OPCML: variants seen among roughly 807,000 people sequenced by gnomAD.
OPCML encodes opioid-binding protein/cell adhesion molecule.
A neutral mutation model predicts 37.8 loss-of-function variants in OPCML; 13 were observed. That is an observed-to-expected ratio of 0.34 (90% CI 0.22 to 0.55). The LOEUF is 0.55. OPCML is among the 20% of genes least tolerant of loss of function. OPCML has a pLI of 0.91. For synonymous variants in OPCML, 176 were observed against 168.8 expected (o/e 1.04, Z -0.33); for missense variants, 341 against 435.6 (o/e 0.78, Z 1.93).
chr11:132,756,042 C>T (rs1946031641), intron 2 of OPCML, among the ~76,000 whole-genome samples: 1 of 152,210 alleles, frequency 6.6e-6, no homozygotes, highest in Admixed American at 6.5e-5. Context: ...GTAAGAAACC[C>T]TGCTAGGGGC....
chr11:133,080,088 G>T (rs1298708137), intron 1 of OPCML, among the ~76,000 whole-genome samples: 1 of 152,102 alleles, frequency 6.6e-6, no homozygotes, highest in African/African-American at 2.4e-5. Flanking sequence ...CTATGAATAG[G>T]GTCCCCACTC....
At chr11:132,469,047 G>A (rs2096127719) in intron 4 of OPCML, among the ~76,000 whole-genome samples, 1 of 152,122 alleles carries the variant, frequency 6.6e-6, no homozygotes, top group Non-Finnish European at 1.5e-5. Context: ...AATATTCTTG[G>A]ACAACTGCTT....
chr11:133,479,863 C>T (rs1947336323), intron 1 of OPCML, among the ~76,000 whole-genome samples: 1 of 152,250 alleles, frequency 6.6e-6, no homozygotes, highest in Admixed American at 6.5e-5. Context: ...GCCTCTCCAC[C>T]CACGATGCTA....
At chr11:133,267,968 T>C (rs1941711397) in intron 1 of OPCML, among the ~76,000 whole-genome samples, 1 of 152,208 alleles carries the variant, frequency 6.6e-6, no homozygotes, top group African/African-American at 2.4e-5. Flanking sequence ...GGTATGTCTT[T>C]ATCAGCAGCA....
At chr11:133,321,291 G>A (rs1405630674) in intron 1 of OPCML, among the ~76,000 whole-genome samples, 6 of 152,190 alleles carry the variant, frequency 3.9e-5, no homozygotes, top group Admixed American at 3.9e-4. Context: ...GCCATCAGAA[G>A]CTCCGTAAGT....
intron 2 of OPCML, among the ~76,000 whole-genome samples, chr11:132,766,597 T>C (rs1002100900): frequency 3.9e-5 from 6 of 152,146 alleles, no homozygotes; most frequent in Non-Finnish European, 8.8e-5. Context: ...CCATCATCAA[T>C]TGTCCACCCT....
Position 133,232,269 on chromosome 11 carries a change from A to G in OPCML, c.62-289259T>C, listed in dbSNP as rs552257279. On this transcript the variant is annotated intron_variant, in intron 1 of 7. Transcript: ENST00000524381. ...GAAAAAAGATAAAAACTACTCTTTG[A>G]TGAGAAACCATACGGTGTGGTAGAG... is the stretch of plus-strand genomic sequence containing the variant. 2.0e-5 allele frequency among the ~76,000 whole-genome samples: 3 copies of G among 152,326 alleles called. No individual in the cohort carries two copies. The South Asian group carries it at 6.2e-4, about 32-fold the overall frequency.
chr11:133,361,588 TTCCGGGGCACCTGCAGCTAC>T (rs1944421670), intron 1 of OPCML: 6 of 156,024 alleles, frequency 3.8e-5, no homozygotes, highest in South Asian at 1.3e-4. Flanking sequence ...CCTGCAGCTA[TTCCGGGGCACCTGCAGCTAC>T]TCCGGGGCAC....
intron 1 of OPCML, among the ~76,000 whole-genome samples, chr11:132,966,945 A>G (rs1181081285): frequency 6.6e-6 from 1 of 151,994 alleles, no homozygotes; most frequent in East Asian, 1.9e-4. Context: ...TCTCCCATAG[A>G]TAGTATGTAG....
intron 2 of OPCML, among the ~76,000 whole-genome samples, chr11:132,726,445 C>A (rs1944887965): frequency 6.6e-6 from 1 of 152,096 alleles, no homozygotes; most frequent in African/African-American, 2.4e-5. Context: ...CACTGGGTCC[C>A]TCCCACAACA....
At chr11:132,803,197 C>G (rs1165582836) in intron 2 of OPCML, among the ~76,000 whole-genome samples, 1 of 152,198 alleles carries the variant, frequency 6.6e-6, no homozygotes, top group Non-Finnish European at 1.5e-5. Flanking sequence ...TCCCCTCCTC[C>G]TCCCCACCAG....
intron 3 of OPCML, among the ~76,000 whole-genome samples, chr11:132,626,383 A>T (rs530847698): frequency 1.3e-5 from 2 of 151,966 alleles, no homozygotes; most frequent in Non-Finnish European, 2.9e-5. Context: ...AAAGCTGGAC[A>T]AAAAAGAAAA....
intron 1 of OPCML, among the ~76,000 whole-genome samples, chr11:133,385,406 T>C (rs1444176628): frequency 1.3e-5 from 2 of 152,186 alleles, no homozygotes; most frequent in Middle Eastern, 3.2e-3. Flanking sequence ...CAGCAAGGAA[T>C]AACTAATGTA....
At chr11:133,155,641 ATCTATATG>A (rs1381183711) in intron 1 of OPCML, among the ~76,000 whole-genome samples, 1 of 152,184 alleles carries the variant, frequency 6.6e-6, no homozygotes, top group Non-Finnish European at 1.5e-5. Context: ...TAATCTATAC[ATCTATATG>A]TCTATATCCA....
intron 7 of OPCML, among the ~76,000 whole-genome samples, chr11:132,426,100 A>T (rs1409867280): frequency 6.6e-6 from 1 of 152,214 alleles, no homozygotes; most frequent in Non-Finnish European, 1.5e-5. Context: ...ATATAAGCTG[A>T]AATGAAGATG....
At chr11:133,272,418 G>A (rs1316469229) in intron 1 of OPCML, among the ~76,000 whole-genome samples, 2 of 152,146 alleles carry the variant, frequency 1.3e-5, no homozygotes, top group African/African-American at 4.8e-5. Context: ...GACCCACAAA[G>A]CACTATATTA....
Position 133,327,799 on chromosome 11 carries a change from T to C in OPCML, c.61+204465A>G, listed in dbSNP as rs377007342. Among the ~76,000 whole-genome samples the C allele has an allele frequency of 1.1e-4, 16 of 152,226 alleles. No individual in the cohort carries two copies. The East Asian group carries it at 1.5e-3, about 15-fold the overall frequency. On this transcript the variant is annotated intron_variant, in intron 1 of 7. Transcript: ENST00000524381. ...GGGTTGCAGCAGAGTTCGGGGACCC[T>C]GGGTACAGCTACTACTCGGAGGCCA...
chr11:132,750,584 A>G (rs1002423285), intron 2 of OPCML, among the ~76,000 whole-genome samples: 2 of 152,232 alleles, frequency 1.3e-5, no homozygotes, highest in Non-Finnish European at 2.9e-5. Context: ...AGAGACAGGA[A>G]AGATAGGAGA....
chr11:132,909,479 C>G lies in OPCML; in HGVS notation c.146+33447G>C, dbSNP rs146398461. ...GCTTCCTGGAAGATGGCAGCCCACC[C>G]CAACCCAATAGGAGCTTCAAGGCCA... On this transcript the variant is annotated intron_variant, in intron 2 of 7. Transcript: ENST00000524381. Among the ~76,000 whole-genome samples, 288 of 152,322 alleles carry G rather than the reference C, an allele frequency of 1.9e-3. 2 individuals are homozygous for G. Among genetic ancestry groups the G allele is most frequent in the African/African-American group, 6.4e-3 (265 of 41,576 alleles).
Sources: allele counts gnomAD v4.1 joint callset (sites outside exome capture counted in the v4.1 genomes callset), GRCh38; gene constraint gnomAD v4.1.1; transcripts MANE v1.5; gene names NCBI Gene and HGNC (gene_info 2026-07-23, HGNC 2026-07-21).